USP24: variants seen among roughly 807,000 people sequenced by gnomAD.
The protein encoded by USP24 is ubiquitin specific peptidase 24.
USP24 carries 97 observed loss-of-function variants against 361.6 expected under a neutral mutation model. The observed-to-expected ratio is 0.27, with a 90% CI of 0.23 to 0.32. USP24 has a LOEUF of 0.32. Among genes scored for constraint, USP24 ranks in the 10% least tolerant of loss-of-function variants. The pLI is 1.00. For missense variants in USP24, 2,353 were observed against 3,165.6 expected (o/e 0.74, Z 6.16); for synonymous variants, 1,098 against 1,124.6 (o/e 0.98, Z 0.47).
At chr1:55,140,175 T>C (rs1646848126) in intron 24 of USP24, among the ~76,000 whole-genome samples, 1 of 152,054 alleles carries the variant, frequency 6.6e-6, no homozygotes, top group Admixed American at 6.6e-5. Context: ...TTCTCTGTAG[T>C]CCACCAAATA....
intron 3 of USP24, among the ~76,000 whole-genome samples, chr1:55,172,900 G>T (rs950620781): frequency 1.3e-5 from 2 of 152,066 alleles, no homozygotes; most frequent in African/African-American, 2.4e-5. Flanking sequence ...AGTTCTCAAC[G>T]GCTCAGTTCT....
chr1:55,101,084 G>A (rs1480901727), intron 43 of USP24, 120 bp from the exon 44 acceptor site: 3 of 1,180,910 alleles, frequency 2.5e-6, no homozygotes, highest in African/African-American at 3.1e-5. Flanking sequence ...GTTTGGACAT[G>A]GCTATAATGC....
At chr1:55,210,395 C>T (rs956317521) in intron 1 of USP24, among the ~76,000 whole-genome samples, 2 of 151,966 alleles carry the variant, frequency 1.3e-5, no homozygotes, top group Non-Finnish European at 2.9e-5. Context: ...TTTTTATTTA[C>T]CAAATCACAG....
At chr1:55,160,631 TTAAAA>T (rs1170606660) in intron 8 of USP24, among the ~76,000 whole-genome samples, 2 of 152,228 alleles carry the variant, frequency 1.3e-5, no homozygotes, top group African/African-American at 4.8e-5. Context: ...TTTGACATAA[TTAAAA>T]TAAAGATGAA....
At position 55,078,614 on chromosome 1, in the gene USP24, A is replaced by G. The variant is rs909824146; in HGVS notation, c.7238T>C (p.Leu2413Ser). 9 of 1,611,330 alleles carry G rather than the reference A, an allele frequency of 5.6e-6. No individual in the cohort carries two copies. Among genetic ancestry groups the G allele is most frequent in the Admixed American group, 3.4e-5 (2 of 59,604 alleles). ...FALRELTGSL[L>S]ALIEMVVYCC... ...GTACACTACCATCTCAATGAGTGCC[A>G]AGAGCGAGCCTGTCAGCTCCCGCAA... is the stretch of plus-strand genomic sequence containing the variant. Residue 2413 changes from leucine to serine, a missense_variant, in exon 61 of 68, where the codon TTG (leucine) becomes TCG (serine). Physicochemically the swap from Leu to Ser is moderately radical, Grantham distance 145. Around this residue, in one of 8 missense-constraint regions of USP24, gnomAD observed 598 missense variants for 761.9 expected, o/e 0.78. Coordinates refer to ENST00000294383, the MANE Select transcript of USP24 (RefSeq NM_015306.3).
At chr1:55,203,316 CA>C (rs1339208442) in intron 1 of USP24, among the ~76,000 whole-genome samples, 3 of 152,154 alleles carry the variant, frequency 2.0e-5, no homozygotes, top group Non-Finnish European at 4.4e-5. Flanking sequence ...GTAAAGTAAA[CA>C]AAAGACATCT....
intron 37 of USP24, 77 bp from the exon 38 acceptor site, chr1:55,120,833 A>G (rs563567893): frequency 1.4e-6 from 2 of 1,429,832 alleles, no homozygotes; most frequent in South Asian, 1.5e-5. Context: ...ATTTTCTTCC[A>G]AAGTCCAGCC....
At chr1:55,189,689 T>C (rs1302543524) in intron 1 of USP24, among the ~76,000 whole-genome samples, 1 of 152,164 alleles carries the variant, frequency 6.6e-6, no homozygotes, top group Non-Finnish European at 1.5e-5. Flanking sequence ...AACTTTATAG[T>C]ATAAGAATTC....
chr1:55,093,195 T>G (rs1384924159), intron 52 of USP24, among the ~76,000 whole-genome samples: 1 of 152,212 alleles, frequency 6.6e-6, no homozygotes. Flanking sequence ...TCTAACTTGG[T>G]ATTTTAGGTA....
At chr1:55,178,472 T>A (rs1650213541) in intron 1 of USP24, among the ~76,000 whole-genome samples, 2 of 151,724 alleles carry the variant, frequency 1.3e-5, no homozygotes, top group South Asian at 4.2e-4. Flanking sequence ...ATCGAGACCA[T>A]CGTGGCTAAC....
rs981773383 is a variant in USP24, at chr1:55,147,703, C to A, written c.2064G>T (p.Gly688=). 1.2e-6 allele frequency: 2 copies of A among 1,611,766 alleles called. No individual in the cohort carries two copies. The highest frequency in any genetic ancestry group is 2.7e-5 in the African/African-American group (2 of 74,882). ...ACHRLAAAVA[G]PGGLSGSTLV... Reference sequence around the variant, plus strand: ...GTGTCGAGCCACTTAAGCCTCCAGGCCCGGCCACAGCAGCTGCAAGCCGAT... The same window carrying A: ...GTGTCGAGCCACTTAAGCCTCCAGGACCGGCCACAGCAGCTGCAAGCCGAT... The change falls in exon 18 of 68, where the codon GGG becomes GGT. Residue 688 remains glycine, a synonymous_variant. Coordinates refer to ENST00000294383, the MANE Select transcript of USP24 (RefSeq NM_015306.3).
chr1:55,138,968 T>C lies in USP24; in HGVS notation c.2793A>G (p.Ala931=). ...LVIIERLLLL[A]ERYVITIEDF... Reference sequence around the variant, plus strand: ...CCTCTATAGTGATCACATAGCGCTCTGCCAGAAGCAGCAATCTCTCAATTA... The same window carrying C: ...CCTCTATAGTGATCACATAGCGCTCCGCCAGAAGCAGCAATCTCTCAATTA... Residue 931 remains alanine, a synonymous_variant, in exon 25 of 68, where the codon GCA becomes GCG. Transcript: ENST00000294383. 6.2e-7 allele frequency: 1 copy of C among 1,612,950 alleles called. No homozygotes were observed. The highest frequency in any genetic ancestry group is 1.1e-5 in the South Asian group (1 of 90,900).
intron 11 of USP24, 80 bp from the exon 12 acceptor site, chr1:55,157,131 A>G (rs1039455186): frequency 7.1e-7 from 1 of 1,398,990 alleles, no homozygotes; most frequent in Non-Finnish European, 1.0e-6. Flanking sequence ...ATTCAAAACA[A>G]TAACTTACTA....
At chr1:55,122,523 C>T (rs1344531712) in intron 36 of USP24, among the ~76,000 whole-genome samples, 4 of 151,998 alleles carry the variant, frequency 2.6e-5, no homozygotes, top group Non-Finnish European at 5.9e-5. Context: ...GAAGGTCCAC[C>T]CTGGTTGCTG....
At chr1:55,208,517 TA>T (rs1644767420) in intron 1 of USP24, among the ~76,000 whole-genome samples, 2 of 151,178 alleles carry the variant, frequency 1.3e-5, no homozygotes, top group South Asian at 4.2e-4. Flanking sequence ...TAATCCCAGC[TA>T]CTTAGGAGGT....
rs375327373 is a variant in USP24, at chr1:55,097,195, T to C, written c.5716-23A>G. On this transcript the variant is annotated intron_variant, in intron 48 of 67. Coordinates refer to ENST00000294383, the MANE Select transcript of USP24 (RefSeq NM_015306.3). ...AAACTATGTAGAAGCAAAAAGACCATATTAACGTTGATTACTAACATATAC... is the reference window on the plus strand; with the variant it reads ...AAACTATGTAGAAGCAAAAAGACCACATTAACGTTGATTACTAACATATAC... 23 of 1,611,830 alleles carry C rather than the reference T, an allele frequency of 1.4e-5. No individual in the cohort carries two copies. The African/African-American group carries it at 2.7e-4, about 19-fold the overall frequency.
At chr1:55,204,939 T>C (rs973430825) in intron 1 of USP24, among the ~76,000 whole-genome samples, 4 of 152,212 alleles carry the variant, frequency 2.6e-5, no homozygotes, top group African/African-American at 9.6e-5. Flanking sequence ...ATTTTCTACT[T>C]AATAAAAACA....
chr1:55,099,685 TC>T lies in USP24; in HGVS notation c.5370+85del, dbSNP rs1297144016. ...ATAATCAATTTCTGATTCGTCAGTT[TC>T]ATAGTAACCCCAAATGCTAAGACAC... On this transcript the variant is annotated intron_variant, in intron 45 of 67. Coordinates refer to ENST00000294383, the MANE Select transcript of USP24 (RefSeq NM_015306.3). 9.4e-6 allele frequency: 9 copies of T among 957,582 alleles called. No individual in the cohort carries two copies. The East Asian group carries it at 2.4e-4, about 25-fold the overall frequency. 59.3% of individuals were successfully genotyped at this position (957,582 alleles called of 1,614,324 possible).
intron 55 of USP24, among the ~76,000 whole-genome samples, chr1:55,089,387 CTA>C (rs1645325116): frequency 6.6e-6 from 1 of 152,146 alleles, no homozygotes; most frequent in African/African-American, 2.4e-5. Context: ...ACCCACGTGC[CTA>C]TGAGTACCTG....
Sources: allele counts gnomAD v4.1 joint callset (sites outside exome capture counted in the v4.1 genomes callset), GRCh38; gene constraint gnomAD v4.1.1; regional missense constraint gnomAD v4.1.1; transcripts MANE v1.5; gene names NCBI Gene and HGNC (gene_info 2026-07-23, HGNC 2026-07-21).